The following TMEM272 variants were observed in gnomAD, a reference collection of about 807,000 sequenced individuals.
TMEM272 encodes long intergenic non-protein coding RNA 282.
In TMEM272, 8 loss-of-function variants were observed where a neutral mutation model predicts 3.7. The ratio of observed to expected loss-of-function variants is 2.17; its 90% CI spans 1.27 to 3.91. TMEM272 has a LOEUF of 3.91. Ranked by LOEUF, TMEM272 falls within the 30% of genes most tolerant of loss-of-function variation. TMEM272 has a pLI of 0.00. For missense variants in TMEM272, 166 were observed against 91.5 expected (o/e 1.81, Z -3.32); for synonymous variants, 63 against 39.8 (o/e 1.58, Z -2.20).
At chr13:51,844,069 C>G (rs1956283246) in intron 1 of TMEM272, among the ~76,000 whole-genome samples, 2 of 152,176 alleles carry the variant, frequency 1.3e-5, no homozygotes, top group Admixed American at 1.3e-4. Flanking sequence ...CAACACTTAT[C>G]TGCTCCAAAA....
chr13:51,865,767 A>G, the TMEM272 span: 1 of 1,614,180 alleles, frequency 6.2e-7, no homozygotes, highest in Non-Finnish European at 8.5e-7. Flanking sequence ...ACTTTCTGGA[A>G]GGAGGATAAG....
At chr13:51,881,792 A>G in the TMEM272 span, among the ~76,000 whole-genome samples, 2 of 152,152 alleles carry the variant, frequency 1.3e-5, no homozygotes, top group African/African-American at 4.8e-5. Context: ...AAATCTACCA[A>G]TGCTTTGAAC....
At chr13:51,901,216 G>A in the TMEM272 span, among the ~76,000 whole-genome samples, 7 of 151,996 alleles carry the variant, frequency 4.6e-5, no homozygotes. Context: ...TCACAAAATT[G>A]TGAAGGAAGA....
chr13:51,859,947 CA>C, the TMEM272 span, among the ~76,000 whole-genome samples: 1 of 151,756 alleles, frequency 6.6e-6, no homozygotes, highest in Admixed American at 6.6e-5. Flanking sequence ...GGCTGGAGTG[CA>C]GTGGCACGAT....
chr13:51,882,613 C>T, the TMEM272 span, among the ~76,000 whole-genome samples: 1 of 151,882 alleles, frequency 6.6e-6, no homozygotes, highest in Non-Finnish European at 1.5e-5. Context: ...GCCATCAGAA[C>T]CATGAAAAAC....
chr13:51,835,245 A>G (rs1231475316), intron 2 of TMEM272, among the ~76,000 whole-genome samples: 1 of 149,454 alleles, frequency 6.7e-6, no homozygotes, highest in Non-Finnish European at 1.5e-5. Context: ...TTTTTTTGAG[A>G]CGGAGTCTCA....
intron 2 of TMEM272, among the ~76,000 whole-genome samples, chr13:51,834,979 G>A (rs1431720322): frequency 6.6e-6 from 1 of 152,138 alleles, no homozygotes; most frequent in Non-Finnish European, 1.5e-5. Flanking sequence ...AGATGGGGAG[G>A]CTGGGAGCCA....
chr13:51,927,259 A>T, the TMEM272 span, among the ~76,000 whole-genome samples: 1 of 151,898 alleles, frequency 6.6e-6, no homozygotes, highest in African/African-American at 2.4e-5. Flanking sequence ...TCCCCACCCC[A>T]CCCCAGGAAC....
At chr13:51,908,229 G>A in the TMEM272 span, 2 of 729,010 alleles carry the variant, frequency 2.7e-6, no homozygotes, top group Non-Finnish European at 4.7e-6. Flanking sequence ...TCTTGCCGTG[G>A]TTCTGGATCT....
the TMEM272 span, among the ~76,000 whole-genome samples, chr13:51,903,200 C>T: frequency 2.6e-5 from 4 of 152,150 alleles, no homozygotes; most frequent in Non-Finnish European, 4.4e-5. Context: ...ACTGGATGCA[C>T]GAGGCAGCAG....
chr13:51,923,976 T>A, the TMEM272 span, among the ~76,000 whole-genome samples: 5 of 152,182 alleles, frequency 3.3e-5, no homozygotes, highest in South Asian at 4.1e-4. Flanking sequence ...CTTTGGGGGC[T>A]CTATGAATTA....
chr13:51,914,761 A>G, the TMEM272 span, among the ~76,000 whole-genome samples: 1 of 152,342 alleles, frequency 6.6e-6, no homozygotes, highest in South Asian at 2.1e-4. Flanking sequence ...ACCAGCCCAC[A>G]TCTACTGAGT....
chr13:51,892,923 G>A, the TMEM272 span, among the ~76,000 whole-genome samples: 22 of 152,236 alleles, frequency 1.4e-4, no homozygotes, highest in South Asian at 2.1e-4. Context: ...ATTAAATTCC[G>A]TCCACAAAAC....
the TMEM272 span, among the ~76,000 whole-genome samples, chr13:51,894,653 G>A: frequency 6.6e-6 from 1 of 152,138 alleles, no homozygotes; most frequent in Non-Finnish European, 1.5e-5. Flanking sequence ...AAACCCAAAT[G>A]TGCAAATGGA....
chr13:51,930,068 C>T, the TMEM272 span, among the ~76,000 whole-genome samples: 160 of 152,292 alleles, frequency 1.1e-3, no homozygotes, highest in Admixed American at 4.0e-3. Context: ...AAAGGACATC[C>T]CTCCATGAAG....
At chr13:51,826,517 C>A (rs1409765501) in intron 3 of TMEM272, 49 bp downstream of exon 3, 1 of 702,136 alleles carries the variant, frequency 1.4e-6, no homozygotes, top group African/African-American at 1.7e-5. Context: ...TGGGTCCATG[C>A]CCCAACCTGG....
At chr13:51,908,223 G>A in the TMEM272 span, 1 of 714,464 alleles carries the variant, frequency 1.4e-6, no homozygotes, top group Non-Finnish European at 2.4e-6. Flanking sequence ...CAGGTTTCTT[G>A]CCGTGGTTCT....
At chr13:51,878,661 G>A in the TMEM272 span, among the ~76,000 whole-genome samples, 9 of 152,074 alleles carry the variant, frequency 5.9e-5, no homozygotes, top group African/African-American at 1.4e-4. Context: ...AGTAACTCTC[G>A]AATGTATTTG....
At chr13:51,830,189 A>T (rs1956161356) in intron 2 of TMEM272, among the ~76,000 whole-genome samples, 2 of 152,226 alleles carry the variant, frequency 1.3e-5, no homozygotes, top group Non-Finnish European at 2.9e-5. Context: ...GCACTAAATT[A>T]GTGTGCTTTT....
Sources: gnomAD v4.1 joint callset for allele counts (sites outside exome capture counted in the v4.1 genomes callset) on GRCh38, gnomAD v4.1.1 for gene constraint, MANE v1.5 for transcripts, NCBI Gene and HGNC (gene_info 2026-07-23, HGNC 2026-07-21) for gene names.